METTL25: variants seen among roughly 807,000 people sequenced by gnomAD.
METTL25 encodes methyltransferase like 25.
METTL25 carries 64 observed loss-of-function variants against 71.6 expected under a neutral mutation model. That is an observed-to-expected ratio of 0.89 (90% CI 0.73 to 1.10). The LOEUF (loss-of-function observed/expected upper bound fraction) is 1.10. Among genes scored for constraint, METTL25 ranks in the 50% least tolerant of loss-of-function variants. METTL25 has a pLI of 0.00. For missense variants in METTL25, 807 were observed against 707.0 expected, an observed-to-expected ratio of 1.14 and a Z score of -1.60; for synonymous variants, 287 against 250.3, an observed-to-expected ratio of 1.15 and a Z score of -1.38.
At chr12:82,461,969 G>A (rs528925252) in intron 9 of METTL25, among the ~76,000 whole-genome samples, 1 of 152,312 alleles carries the variant, frequency 6.6e-6, no homozygotes, top group East Asian at 1.9e-4. Context: ...ATATCTTCCT[G>A]TAGATGACTC....
intron 3 of METTL25, among the ~76,000 whole-genome samples, chr12:82,392,308 A>C (rs1205280995): frequency 7.7e-6 from 1 of 129,166 alleles, no homozygotes; most frequent in Admixed American, 9.6e-5. Flanking sequence ...TCCTGTGTCC[A>C]TGTTTTCTCA....
chr12:82,429,956 T>A (rs1889356203), intron 5 of METTL25, among the ~76,000 whole-genome samples: 1 of 151,596 alleles, frequency 6.6e-6, no homozygotes, highest in South Asian at 2.1e-4. Flanking sequence ...AAGTTAAACT[T>A]GTTCTCTTTT....
chr12:82,364,434 G>A (rs1177730321), intron 1 of METTL25, among the ~76,000 whole-genome samples: 1 of 152,146 alleles, frequency 6.6e-6, no homozygotes, highest in African/African-American at 2.4e-5. Context: ...TCTTGTTTTT[G>A]TCTGCACTCA....
In METTL25 at chr12:82,400,958, TTCGTAGCTTTATTACTCTG is replaced by T. The variant is rs1417099076; in HGVS notation, c.1131+1567_1131+1585del. ...GCTAAATTAAGCTTAAAGAGAGAAATTCGTAGCTTTATTACTCTGTCCCTAAGTAGCAATAAATCTTGTC... is the reference window on the plus strand; with the variant it reads ...GCTAAATTAAGCTTAAAGAGAGAAATTCCCTAAGTAGCAATAAATCTTGTC... On this transcript the variant is annotated intron_variant, in intron 4 of 11. Transcript: ENST00000248306. Among the ~76,000 whole-genome samples the T allele has an allele frequency of 1.2e-4, 19 of 152,254 alleles. No homozygotes were observed. In the South Asian group the frequency reaches 1.7e-3, roughly 13 times the overall value.
At chr12:82,413,530 A>T (rs1887719583) in intron 5 of METTL25, among the ~76,000 whole-genome samples, 1 of 152,066 alleles carries the variant, frequency 6.6e-6, no homozygotes, top group African/African-American at 2.4e-5. Flanking sequence ...TGCATAGAAG[A>T]AAAGTTGCTT....
In METTL25 at chr12:82,455,041, C is replaced by CT. The variant is rs546571763; in HGVS notation, c.1479-1684dup. Among the ~76,000 whole-genome samples, 35 of 151,792 alleles carry CT rather than the reference C, an allele frequency of 2.3e-4. No homozygotes were observed. In the East Asian group the frequency reaches 6.6e-3, roughly 29 times the overall value. ...AGCCAGTCTGACTGGAAGCCACCCT[C>CT]TTATGTACTATTCTATGCTTTTTCT... On this transcript the variant is annotated intron_variant, in intron 8 of 11. Transcript: ENST00000248306.
chr12:82,390,233 A>G (rs899077725), intron 3 of METTL25, among the ~76,000 whole-genome samples: 1 of 152,078 alleles, frequency 6.6e-6, no homozygotes, highest in Non-Finnish European at 1.5e-5. Flanking sequence ...AGTCTGAGGT[A>G]GCATTATGAG....
chr12:82,473,888 G>A (rs1441365222), intron 9 of METTL25, among the ~76,000 whole-genome samples: 1 of 152,152 alleles, frequency 6.6e-6, no homozygotes, highest in East Asian at 1.9e-4. Flanking sequence ...GGTTGTGGCA[G>A]TCAGCCACCC....
chr12:82,380,028 C>T (rs1259393900), intron 1 of METTL25, among the ~76,000 whole-genome samples: 2 of 152,120 alleles, frequency 1.3e-5, no homozygotes, highest in Non-Finnish European at 2.9e-5. Context: ...TTCTATATTC[C>T]AATAAATTTG....
rs1881414492 is a variant in METTL25 at position 82,359,084 on chromosome 12, A to C, written c.259+260A>C. ...GGAAACAGGGCAGGGGAGTTCCTTC[A>C]TCTAGTAATTCCATAATAATTGACG... is the stretch of plus-strand genomic sequence containing the variant. On this transcript the variant is annotated intron_variant, in intron 1 of 11. Coordinates refer to ENST00000248306, the MANE Select transcript of METTL25 (RefSeq NM_032230.3). Among the ~76,000 whole-genome samples the C allele has an allele frequency of 2.6e-5, 4 of 152,288 alleles. No individual in the cohort carries two copies. In the South Asian group the frequency reaches 8.3e-4, roughly 32 times the overall value.
intron 9 of METTL25, among the ~76,000 whole-genome samples, chr12:82,460,334 C>G (rs1891778916): frequency 6.6e-6 from 1 of 152,184 alleles, no homozygotes; most frequent in South Asian, 2.1e-4. Context: ...ATTTCCTCCT[C>G]AAGGAGATAG....
chr12:82,464,218 T>G (rs1346831878), intron 9 of METTL25, among the ~76,000 whole-genome samples: 1 of 151,980 alleles, frequency 6.6e-6, no homozygotes, highest in Non-Finnish European at 1.5e-5. Flanking sequence ...CCCCTATGTT[T>G]TCTCCTAGTA....
intron 5 of METTL25, among the ~76,000 whole-genome samples, chr12:82,411,157 T>C (rs1887528251): frequency 6.6e-6 from 1 of 151,972 alleles, no homozygotes; most frequent in South Asian, 2.1e-4. Context: ...TCAAAGATAA[T>C]GGAAACACTG....
intron 6 of METTL25, among the ~76,000 whole-genome samples, chr12:82,433,203 G>T (rs978225599): frequency 1.3e-5 from 2 of 151,252 alleles, no homozygotes; most frequent in African/African-American, 2.4e-5. Flanking sequence ...GCAGTCTTGG[G>T]GTATATGATA....
chr12:82,398,790 C>G lies in METTL25; in HGVS notation c.532-5C>G. On this transcript the variant is annotated splice_region_variant and splice_polypyrimidine_tract_variant and intron_variant, in intron 3 of 11. Coordinates refer to ENST00000248306, the MANE Select transcript of METTL25 (RefSeq NM_032230.3). The stretch of plus-strand genomic sequence containing the variant: ...CTTTAATTTATTCTTTTTTTCTAAT[C>G]TTAGGTGATTGACTTGGGTTCCGGT... 6.7e-7 allele frequency: 1 copy of G among 1,499,932 alleles called. No individual in the cohort carries two copies. The highest frequency in any genetic ancestry group is 8.8e-7 in the Non-Finnish European group (1 of 1,131,206). 92.9% of individuals were successfully genotyped at this position (1,499,932 alleles called of 1,614,324 possible).
intron 5 of METTL25, among the ~76,000 whole-genome samples, chr12:82,415,586 C>T (rs534147929): frequency 2.0e-5 from 3 of 152,016 alleles, no homozygotes; most frequent in African/African-American, 7.2e-5. Context: ...TGAGACTAAA[C>T]GCCTGAGAAT....
chr12:82,415,463 A>C (rs1198656832), intron 5 of METTL25, among the ~76,000 whole-genome samples: 2 of 152,218 alleles, frequency 1.3e-5, no homozygotes, highest in East Asian at 3.9e-4. Context: ...ATACACATAC[A>C]TGTAATTAGA....
intron 1 of METTL25, among the ~76,000 whole-genome samples, chr12:82,366,884 T>C (rs1267051067): frequency 1.3e-5 from 2 of 152,310 alleles, no homozygotes; most frequent in African/African-American, 4.8e-5. Context: ...AAAAATAATA[T>C]TACATTATAA....
At chr12:82,383,710 T>A (rs1884676475) in intron 1 of METTL25, among the ~76,000 whole-genome samples, 1 of 152,190 alleles carries the variant, frequency 6.6e-6, no homozygotes, top group Non-Finnish European at 1.5e-5. Flanking sequence ...ATTTACTAAT[T>A]ATAAATATTA....
Sources: gnomAD v4.1 joint callset for allele counts (sites outside exome capture counted in the v4.1 genomes callset) on GRCh38, gnomAD v4.1.1 for gene constraint, MANE v1.5 for transcripts, NCBI Gene and HGNC (gene_info 2026-07-23, HGNC 2026-07-21) for gene names.